The following CRPPA variants were observed in gnomAD, a reference collection of about 807,000 sequenced individuals.
CRPPA encodes the protein CDP-L-ribitol pyrophosphorylase A, also known as D-ribitol-5-phosphate cytidylyltransferase.
Under a neutral mutation model 52.0 loss-of-function variants are expected in CRPPA, and 43 were observed. The observed-to-expected ratio is 0.83, with a 90% CI of 0.65 to 1.07. The LOEUF is 1.07. Ranked by LOEUF, CRPPA falls within the 50% of genes least tolerant of loss-of-function variation. CRPPA has a pLI of 0.00. For synonymous variants in CRPPA, 250 were observed against 203.5 expected, an observed-to-expected ratio of 1.23 and a Z score of -1.94; for missense variants, 629 against 551.7, an observed-to-expected ratio of 1.14 and a Z score of -1.40.
chr7:16,201,197 G>A (rs1583424990), intron 9 of CRPPA, among the ~76,000 whole-genome samples: 1 of 152,162 alleles, frequency 6.6e-6, no homozygotes, highest in East Asian at 1.9e-4. Context: ...CATTTACATT[G>A]AAATAAAAAC....
chr7:16,308,534 C>G lies in CRPPA; in HGVS notation c.778G>C (p.Asp260His). Residue 260 changes from aspartate to histidine, a missense_variant, in exon 4 of 10, where the codon GAC becomes CAC. Physicochemically the swap from Asp to His is moderately conservative, Grantham distance 81. Coordinates refer to ENST00000407010, the MANE Select transcript of CRPPA (RefSeq NM_001101426.4). ...ATCATCCCTCTTACCTTCCAGAGGTCAGGTGATCCTTCTACAAGTTTGGCT... is the reference window on the plus strand; with the variant it reads ...ATCATCCCTCTTACCTTCCAGAGGTGAGGTGATCCTTCTACAAGTTTGGCT... The part of the protein sequence containing the change: ...TKAKLVEGSP[D>H]LWKVTYKRDL... The G allele has an allele frequency of 6.3e-7, 1 of 1,591,180 alleles. No individual in the cohort carries two copies. Among genetic ancestry groups the G allele is most frequent in the Non-Finnish European group, 8.6e-7 (1 of 1,161,360 alleles).
chr7:16,214,790 C>T (rs757025285), intron 9 of CRPPA, among the ~76,000 whole-genome samples: 6 of 152,114 alleles, frequency 3.9e-5, no homozygotes, highest in Non-Finnish European at 5.9e-5. Flanking sequence ...GGATTACAGG[C>T]GTGAGCCACC....
At chr7:16,244,805 G>A (rs976483221) in intron 8 of CRPPA, among the ~76,000 whole-genome samples, 2 of 152,154 alleles carry the variant, frequency 1.3e-5, no homozygotes, top group African/African-American at 4.8e-5. Context: ...AAGAACCGTT[G>A]TAAACCATTG....
intron 9 of CRPPA, among the ~76,000 whole-genome samples, chr7:16,198,902 C>T (rs887780616): frequency 6.6e-6 from 1 of 152,122 alleles, no homozygotes; most frequent in African/African-American, 2.4e-5. Context: ...ACTTCCAACA[C>T]ATAATGACTC....
intron 3 of CRPPA, among the ~76,000 whole-genome samples, chr7:16,369,979 C>A (rs995605848): frequency 3.3e-5 from 5 of 152,196 alleles, no homozygotes; most frequent in Non-Finnish European, 5.9e-5. Context: ...AAGCTCTTAA[C>A]CCTACCCAGA....
intron 3 of CRPPA, among the ~76,000 whole-genome samples, chr7:16,329,691 T>C (rs1337763518): frequency 1.3e-5 from 2 of 152,178 alleles, no homozygotes; most frequent in Non-Finnish European, 2.9e-5. Context: ...GTAAACAATC[T>C]TCTACACACA....
chr7:16,290,434 G>A (rs1202861278), intron 5 of CRPPA, among the ~76,000 whole-genome samples: 2 of 151,862 alleles, frequency 1.3e-5, no homozygotes, highest in Admixed American at 6.6e-5. Flanking sequence ...AAACAGTACA[G>A]CATTAGTTTA....
At chr7:16,377,349 T>G (rs906790604) in intron 2 of CRPPA, among the ~76,000 whole-genome samples, 1 of 152,148 alleles carries the variant, frequency 6.6e-6, no homozygotes, top group Non-Finnish European at 1.5e-5. Context: ...TACCTATCAG[T>G]AGAGCTAGAA....
At chr7:16,398,959 C>G (rs1003082035) in intron 2 of CRPPA, among the ~76,000 whole-genome samples, 3 of 152,216 alleles carry the variant, frequency 2.0e-5, no homozygotes, top group African/African-American at 7.2e-5. Context: ...GTAATCAACA[C>G]GTGACACCTG....
intron 9 of CRPPA, among the ~76,000 whole-genome samples, chr7:16,194,232 T>C (rs148729982): frequency 4.5e-4 from 69 of 152,228 alleles, no homozygotes; most frequent in African/African-American, 1.5e-3. Context: ...GAGATTTTAA[T>C]TCATTAGACA....
At chr7:16,312,482 C>T (rs151164122) in intron 3 of CRPPA, among the ~76,000 whole-genome samples, 1 of 152,058 alleles carries the variant, frequency 6.6e-6, no homozygotes, top group East Asian at 1.9e-4. Flanking sequence ...CTAATACTGT[C>T]CCTTAATTCC....
chr7:16,190,388 G>T (rs570443254), intron 9 of CRPPA, among the ~76,000 whole-genome samples: 1 of 152,208 alleles, frequency 6.6e-6, no homozygotes, highest in Non-Finnish European at 1.5e-5. Context: ...AGGAACAAAC[G>T]AATTAAGTAT....
At position 16,091,146 on chromosome 7, in the gene CRPPA, T is replaced by C. The variant is rs1781828580; in HGVS notation, c.*549A>G. 6.6e-6 allele frequency: 1 copy of C among 152,222 alleles called. No homozygotes were observed. Among genetic ancestry groups the C allele is most frequent in the Admixed American group, 6.5e-5 (1 of 15,280 alleles). The allele number at this position is 152,222 out of a possible 1,614,324, so 9.4% of individuals were successfully genotyped here. A position where few individuals can be genotyped will look rare whatever the true frequency, so the allele number is the denominator to read the frequency against. On this transcript the variant is annotated 3_prime_UTR_variant, in exon 10 of 10. Transcript: ENST00000407010. ...GGGATCTTGAGTAATATGTGGCAAA[T>C]GGGGAAAATGCTAGAAACAAACAGT...
At chr7:16,188,687 C>T (rs1781551903) in intron 9 of CRPPA, among the ~76,000 whole-genome samples, 1 of 152,134 alleles carries the variant, frequency 6.6e-6, no homozygotes, top group African/African-American at 2.4e-5. Flanking sequence ...TTCAGGAACA[C>T]AGTAGGCCCT....
At chr7:16,410,789 A>C (rs1788060537) in intron 1 of CRPPA, among the ~76,000 whole-genome samples, 1 of 151,928 alleles carries the variant, frequency 6.6e-6, no homozygotes, top group African/African-American at 2.4e-5. Context: ...TGGCCTCTCA[A>C]CACTGTCCCC....
chr7:16,383,487 C>G (rs10273860), intron 2 of CRPPA, among the ~76,000 whole-genome samples: 2,261 of 152,298 alleles, frequency 0.015, 59 homozygotes, highest in African/African-American at 0.051. Flanking sequence ...TCTCAATACT[C>G]CAGCTGTGTG....
chr7:16,276,123 G>A (rs913643135), intron 6 of CRPPA, among the ~76,000 whole-genome samples: 1 of 151,824 alleles, frequency 6.6e-6, no homozygotes. Context: ...AATAAAAGAC[G>A]GGAAGTAAGA....
intron 5 of CRPPA, among the ~76,000 whole-genome samples, chr7:16,298,434 T>C (rs1784718215): frequency 6.6e-6 from 1 of 152,202 alleles, no homozygotes; most frequent in African/African-American, 2.4e-5. Context: ...TTTAGAACTC[T>C]CAAATACCCT....
At chr7:16,236,950 G>GCACA (rs67679435) in intron 8 of CRPPA, among the ~76,000 whole-genome samples, 11,256 of 149,598 alleles carry the variant, frequency 0.075, 777 homozygotes, top group African/African-American at 0.18. Context: ...TCGTGCGCGC[G>GCACA]CACACACACA....
Sources: gnomAD v4.1 joint callset for allele counts (sites outside exome capture counted in the v4.1 genomes callset) on GRCh38, gnomAD v4.1.1 for gene constraint, MANE v1.5 for transcripts, NCBI Gene and HGNC (gene_info 2026-07-23, HGNC 2026-07-21) for gene names.